Variants in CCDC30 observed in about 807,000 individuals in gnomAD.
The protein encoded by CCDC30 is coiled-coil domain-containing protein 30.
A neutral mutation model predicts 100.2 loss-of-function variants in CCDC30; 70 were observed. The observed-to-expected ratio is 0.70, with a 90% confidence interval of 0.58 to 0.85. The LOEUF (loss-of-function observed/expected upper bound fraction) is 0.85. Among genes scored for constraint, CCDC30 ranks in the 40% least tolerant of loss-of-function variants. CCDC30 has a pLI of 0.00. For missense variants in CCDC30, 652 were observed against 771.2 expected, an observed-to-expected ratio of 0.85 and a Z score of 1.83; for synonymous variants, 233 against 269.5, an observed-to-expected ratio of 0.86 and a Z score of 1.33.
rs777600512 is a variant in CCDC30 at position 42,653,987 on chromosome 1, A to ACACATG, written c.2093_2098dup (p.His699_Gly700insAlaHis). On this transcript the variant is annotated inframe_insertion, in exon 17 of 17. Transcript: ENST00000668663. ...CATAAATGTGGCTTCTCTGAAGGAGACACATGGTATACAAGAACAAGACCA... is the reference window on the plus strand; with the variant it reads ...CATAAATGTGGCTTCTCTGAAGGAGACACATGCACATGGTATACAAGAACAAGACCA... The ACACATG allele has an allele frequency of 6.8e-6, 11 of 1,614,036 alleles. No individual in the cohort carries two copies. In the South Asian group the frequency reaches 1.2e-4, roughly 18 times the overall value.
At chr1:42,545,108 A>G (rs1169818530) in intron 6 of CCDC30, among the ~76,000 whole-genome samples, 2 of 149,376 alleles carry the variant, frequency 1.3e-5, no homozygotes, top group Non-Finnish European at 3.0e-5. Flanking sequence ...AAAAGGTATA[A>G]CCAAATGCTA....
intron 6 of CCDC30, chr1:42,536,915 G>A (rs113004239): frequency 5.5e-5 from 20 of 364,034 alleles, no homozygotes; most frequent in African/African-American, 2.5e-4. Context: ...TCCTATAAAG[G>A]CACTAACCCT....
chr1:42,529,647 G>A (rs1387726458), intron 6 of CCDC30: 2 of 152,186 alleles, frequency 1.3e-5, no homozygotes, highest in Non-Finnish European at 2.9e-5. Flanking sequence ...CCAGGTGATG[G>A]TGATAGCAAC....
At chr1:42,606,978 T>C (rs1356987146) in intron 10 of CCDC30, among the ~76,000 whole-genome samples, 1 of 152,232 alleles carries the variant, frequency 6.6e-6, no homozygotes. Context: ...TTTATCCATA[T>C]TGAAAATGCA....
At chr1:42,648,171 C>G (rs146991758) in intron 15 of CCDC30, among the ~76,000 whole-genome samples, 6,708 of 151,962 alleles carry the variant, frequency 0.044, 193 homozygotes, top group African/African-American at 0.074. Flanking sequence ...AACTCCCGAC[C>G]TCAGGTGATC....
intron 6 of CCDC30, among the ~76,000 whole-genome samples, chr1:42,548,294 T>C (rs1284480122): frequency 6.6e-6 from 1 of 152,190 alleles, no homozygotes; most frequent in African/African-American, 2.4e-5. Context: ...CATCTGTCTT[T>C]GAGAATAGAT....
intron 6 of CCDC30, among the ~76,000 whole-genome samples, chr1:42,541,736 A>G (rs778624760): frequency 6.6e-6 from 1 of 152,142 alleles, no homozygotes; most frequent in East Asian, 1.9e-4. Context: ...TCTGTTTTGA[A>G]TCTTTGATTT....
chr1:42,610,527 C>T (rs1646597823), intron 10 of CCDC30, among the ~76,000 whole-genome samples: 1 of 152,102 alleles, frequency 6.6e-6, no homozygotes, highest in South Asian at 2.1e-4. Flanking sequence ...AGGCTCAAGC[C>T]ATTCTCCTAC....
upstream of CCDC30, chr1:42,459,809 C>T: frequency 8.7e-6 from 14 of 1,614,032 alleles, no homozygotes; most frequent in Non-Finnish European, 1.2e-5. Context: ...TAACCAAAGA[C>T]TCGGAAACCA....
At chr1:42,537,481 C>G in intron 6 of CCDC30, 1 of 349,614 alleles carries the variant, frequency 2.9e-6, no homozygotes, top group Non-Finnish European at 5.6e-6. Flanking sequence ...GCCTTTTTGT[C>G]TAAGCCTTTC....
At chr1:42,597,974 A>T (rs889292016) in intron 10 of CCDC30, among the ~76,000 whole-genome samples, 3 of 151,636 alleles carry the variant, frequency 2.0e-5, no homozygotes, top group Non-Finnish European at 2.9e-5. Context: ...CCTGAGCAAC[A>T]TAGTGAGACT....
intron 9 of CCDC30, among the ~76,000 whole-genome samples, chr1:42,587,802 A>G (rs1646105296): frequency 6.6e-6 from 1 of 152,160 alleles, no homozygotes; most frequent in Non-Finnish European, 1.5e-5. Flanking sequence ...AAGTCCAGAG[A>G]ACCTTGGTCT....
At chr1:42,456,832 C>G in the CCDC30 span, 1 of 1,613,524 alleles carries the variant, frequency 6.2e-7, no homozygotes, top group Non-Finnish European at 8.5e-7. Context: ...CTCGCTCTGC[C>G]TTCCCCTATG....
intron 7 of CCDC30, among the ~76,000 whole-genome samples, chr1:42,574,056 A>G (rs1003818350): frequency 3.3e-5 from 5 of 152,080 alleles, no homozygotes; most frequent in African/African-American, 1.2e-4. Context: ...CAAAAGTGAG[A>G]CTAGTCTGTC....
chr1:42,532,614 G>A (rs997051710), intron 6 of CCDC30, among the ~76,000 whole-genome samples: 3 of 152,156 alleles, frequency 2.0e-5, no homozygotes, highest in African/African-American at 2.4e-5. Flanking sequence ...CAATAACAGC[G>A]TTAGAAATAG....
At chr1:42,634,095 A>G (rs974384485) in intron 11 of CCDC30, among the ~76,000 whole-genome samples, 6 of 152,056 alleles carry the variant, frequency 3.9e-5, no homozygotes, top group Non-Finnish European at 8.8e-5. Flanking sequence ...TCCATGATAC[A>G]TGGGGATTAT....
At chr1:42,560,205 C>T (rs932963132) in intron 6 of CCDC30, among the ~76,000 whole-genome samples, 23 of 152,036 alleles carry the variant, frequency 1.5e-4, no homozygotes, top group African/African-American at 5.1e-4. Context: ...GATCTCAAAT[C>T]GACACCCTAA....
intron 6 of CCDC30, among the ~76,000 whole-genome samples, chr1:42,527,632 C>T (rs578203392): frequency 1.3e-5 from 2 of 152,232 alleles, no homozygotes; most frequent in East Asian, 3.9e-4. Context: ...ACATGTAACA[C>T]TACAGTTTTT....
At chr1:42,554,207 T>A (rs1645319041) in intron 6 of CCDC30, among the ~76,000 whole-genome samples, 1 of 152,042 alleles carries the variant, frequency 6.6e-6, no homozygotes, top group Admixed American at 6.5e-5. Context: ...TTTCTTCTTA[T>A]GGATTATTTT....
Sources: allele counts gnomAD v4.1 joint callset (sites outside exome capture counted in the v4.1 genomes callset), GRCh38; gene constraint gnomAD v4.1.1; transcripts MANE v1.5; gene names NCBI Gene and HGNC (gene_info 2026-07-23, HGNC 2026-07-21).